The following MYO6 variants were observed in gnomAD, a reference collection of about 807,000 sequenced individuals.
MYO6 encodes the protein unconventional myosin-VI.
A neutral mutation model predicts 178.7 loss-of-function variants in MYO6; 74 were observed. The ratio of observed to expected loss-of-function variants is 0.41; its 90% CI spans 0.34 to 0.50. The LOEUF (loss-of-function observed/expected upper bound fraction) is 0.50. Among genes scored for constraint, MYO6 ranks in the 20% least tolerant of loss-of-function variants. The pLI is 0.09. For synonymous variants in MYO6, 477 were observed against 504.6 expected, an observed-to-expected ratio of 0.95 and a Z score of 0.73; for missense variants, 1,330 against 1,547.4, an observed-to-expected ratio of 0.86 and a Z score of 2.36.
intron 1 of MYO6, among the ~76,000 whole-genome samples, chr6:75,759,592 A>G (rs1457112180): frequency 6.6e-6 from 1 of 151,468 alleles, no homozygotes; most frequent in East Asian, 1.9e-4. Context: ...TTTTTTTTTA[A>G]AGCTCATTCT....
chr6:75,884,540 T>C lies in MYO6; in HGVS notation c.2417-1464T>C, dbSNP rs545883638. Among the ~76,000 whole-genome samples the C allele has an allele frequency of 9.5e-4, 144 of 152,298 alleles. 1 individual carries two copies. The highest frequency in any genetic ancestry group is 3.0e-3 in the Admixed American group (46 of 15,300). On this transcript the variant is annotated intron_variant, in intron 23 of 34. Transcript: ENST00000369977. ...GCCCACTACCCAGACAGAGCTGATT[T>C]ATCAAGATAGGAATTGCAGTAGAGA...
At chr6:75,906,094 A>G (rs150924844) in intron 30 of MYO6, among the ~76,000 whole-genome samples, 124 of 152,328 alleles carry the variant, frequency 8.1e-4, no homozygotes, top group African/African-American at 2.7e-3. Context: ...AAGAGGAAGT[A>G]TATTTTAGGT....
At chr6:75,855,104 A>T (rs1227404154) in intron 11 of MYO6, 35 bp from the exon 12 acceptor site, 2 of 1,519,360 alleles carry the variant, frequency 1.3e-6, no homozygotes, top group East Asian at 2.4e-5. Flanking sequence ...TTTATATAAT[A>T]CTTATTAATT....
Position 75,817,603 on chromosome 6 carries a change from G to A in MYO6, c.56G>A (p.Gly19Asp), listed in dbSNP as rs768187755. 2 of 1,614,046 alleles carry A rather than the reference G, an allele frequency of 1.2e-6. No homozygotes were observed. Among genetic ancestry groups the A allele is most frequent in the South Asian group, 1.1e-5 (1 of 91,084 alleles). ...APHPTDGFQM[G>D]NIVDIGPDSL... ...CACCCTACAGATGGATTTCAGATGGGCAATATTGTGGATATTGGCCCCGAC... is the reference window on the plus strand; with the variant it reads ...CACCCTACAGATGGATTTCAGATGGACAATATTGTGGATATTGGCCCCGAC... The change falls in exon 2 of 35, where the codon GGC (glycine) becomes GAC (aspartate). Residue 19 changes from glycine to aspartate, a missense_variant. Physicochemically the swap from Gly to Asp is moderately conservative, Grantham distance 94. Transcript: ENST00000369977.
intron 1 of MYO6, among the ~76,000 whole-genome samples, chr6:75,756,708 G>A (rs934471787): frequency 6.6e-6 from 1 of 152,020 alleles, no homozygotes; most frequent in African/African-American, 2.4e-5. Context: ...GTATACATTA[G>A]CTCAATCACT....
intron 1 of MYO6, among the ~76,000 whole-genome samples, chr6:75,799,812 A>G (rs1262983204): frequency 6.6e-6 from 1 of 152,100 alleles, no homozygotes; most frequent in African/African-American, 2.4e-5. Context: ...TACCCATGTT[A>G]CAGTGCTTTG....
At chr6:75,851,696 T>C (rs948941533) in intron 11 of MYO6, among the ~76,000 whole-genome samples, 4 of 151,516 alleles carry the variant, frequency 2.6e-5, no homozygotes, top group African/African-American at 9.7e-5. Context: ...ACAAAATAAA[T>C]TAGCTGGGCA....
At chr6:75,830,192 A>G (rs1028411980) in intron 4 of MYO6, among the ~76,000 whole-genome samples, 1 of 152,176 alleles carries the variant, frequency 6.6e-6, no homozygotes, top group African/African-American at 2.4e-5. Flanking sequence ...TGCCGAACTA[A>G]AGGTGCCTAT....
intron 33 of MYO6, 59 bp from the exon 34 acceptor site, chr6:75,914,004 A>G (rs1277747285): frequency 2.0e-6 from 3 of 1,510,602 alleles, no homozygotes; most frequent in Non-Finnish European, 2.7e-6. Context: ...TTTTAGGATT[A>G]AAGGCTCTTT....
intron 1 of MYO6, among the ~76,000 whole-genome samples, chr6:75,751,807 A>T (rs935025445): frequency 1.3e-4 from 20 of 152,252 alleles, no homozygotes; most frequent in African/African-American, 4.8e-4. Context: ...GAACAAATGC[A>T]AACATCCAAA....
chr6:75,796,587 T>C (rs1768843606), intron 1 of MYO6, among the ~76,000 whole-genome samples: 1 of 150,804 alleles, frequency 6.6e-6, no homozygotes, highest in Admixed American at 6.6e-5. Flanking sequence ...TCCCCCTCCT[T>C]CTCTGCCCCC....
At chr6:75,828,434 A>G in intron 3 of MYO6, 106 bp from the exon 4 acceptor site, 1 of 738,314 alleles carries the variant, frequency 1.4e-6, no homozygotes, top group South Asian at 1.6e-5. Context: ...ATGTAACCTA[A>G]CAATTGATTT....
intron 11 of MYO6, among the ~76,000 whole-genome samples, 169 bp downstream of exon 11, chr6:75,848,700 AG>A (rs1389947442): frequency 3.6e-5 from 5 of 137,860 alleles, no homozygotes; most frequent in Non-Finnish European, 8.1e-5. Flanking sequence ...TTTCATTATC[AG>A]TCATTCTGAG....
chr6:75,764,089 T>C (rs1465904401), intron 1 of MYO6, among the ~76,000 whole-genome samples: 1 of 152,168 alleles, frequency 6.6e-6, no homozygotes. Flanking sequence ...ACTCTCATCC[T>C]GGCTGGACTG....
chr6:75,765,859 A>T (rs545777426), intron 1 of MYO6, among the ~76,000 whole-genome samples: 3 of 152,128 alleles, frequency 2.0e-5, no homozygotes, highest in African/African-American at 7.2e-5. Context: ...AAACCTCTCT[A>T]CTAAGAATAA....
chr6:75,904,865 A>G (rs556235107), intron 30 of MYO6, among the ~76,000 whole-genome samples: 1 of 152,004 alleles, frequency 6.6e-6, no homozygotes, highest in African/African-American at 2.4e-5. Context: ...GGTTTTGTCT[A>G]CTTTTGGTCT....
intron 3 of MYO6, among the ~76,000 whole-genome samples, chr6:75,824,822 T>A (rs1772279905): frequency 6.6e-6 from 1 of 151,494 alleles, no homozygotes; most frequent in Non-Finnish European, 1.5e-5. Flanking sequence ...TGCAGTGGTG[T>A]GATCTCAGCT....
intron 18 of MYO6, among the ~76,000 whole-genome samples, chr6:75,868,216 T>C (rs2149315731): frequency 6.6e-6 from 1 of 151,974 alleles, no homozygotes; most frequent in South Asian, 2.1e-4. Flanking sequence ...GGGAAAAACC[T>C]CATAATACAT....
chr6:75,803,611 GA>G (rs200647214), intron 1 of MYO6, among the ~76,000 whole-genome samples: 5 of 150,528 alleles, frequency 3.3e-5, no homozygotes, highest in East Asian at 1.9e-4. Context: ...AATATTCATT[GA>G]AAAAAAAATC....
Sources: allele counts gnomAD v4.1 joint callset (sites outside exome capture counted in the v4.1 genomes callset), GRCh38; gene constraint gnomAD v4.1.1; transcripts MANE v1.5; gene names NCBI Gene and HGNC (gene_info 2026-07-23, HGNC 2026-07-21).